The following CTPS1 variants were observed in gnomAD, a reference collection of about 807,000 sequenced individuals.
CTPS1 encodes the protein CTP synthase 1.
In CTPS1, 25 loss-of-function variants were observed where a neutral mutation model predicts 80.5. The observed-to-expected ratio is 0.31, with a 90% CI of 0.23 to 0.43. The LOEUF (loss-of-function observed/expected upper bound fraction) is 0.43, where lower values mean the gene tolerates loss of function less well. CTPS1 is among the 20% of genes least tolerant of loss of function. CTPS1 has a pLI of 1.00. For missense variants in CTPS1, 442 were observed against 725.7 expected (o/e 0.61, Z 4.49); for synonymous variants, 267 against 252.5 (o/e 1.06, Z -0.54).
intron 7 of CTPS1, among the ~76,000 whole-genome samples, chr1:40,993,119 C>T (rs534048147): frequency 1.2e-3 from 176 of 152,074 alleles, no homozygotes; most frequent in African/African-American, 3.9e-3. Context: ...GGAGCAATCT[C>T]AGCTCAGTGG....
At chr1:40,986,134 A>G (rs951259298) in intron 3 of CTPS1, among the ~76,000 whole-genome samples, 1 of 152,232 alleles carries the variant, frequency 6.6e-6, no homozygotes, top group South Asian at 2.1e-4. Flanking sequence ...GGGGGAGGCA[A>G]ACAACAAACA....
chr1:41,006,895 C>T (rs181302262), intron 13 of CTPS1, among the ~76,000 whole-genome samples: 1 of 152,250 alleles, frequency 6.6e-6, no homozygotes, highest in East Asian at 1.9e-4. Flanking sequence ...CAGGAGTGGA[C>T]CAGCAAATGT....
rs550001215 is a variant in CTPS1 at position 40,991,949 on chromosome 1, T to C, written c.720+104T>C. The C allele has an allele frequency of 3.4e-6, 3 of 880,654 alleles. No individual in the cohort carries two copies. The South Asian group carries it at 4.4e-5, about 13-fold the overall frequency. 54.6% of individuals were successfully genotyped at this position (880,654 alleles called of 1,614,324 possible). A position where few individuals can be genotyped will look rare whatever the true frequency, so the allele number is the denominator to read the frequency against. On this transcript the variant is annotated intron_variant, in intron 7 of 18. Coordinates refer to ENST00000650070, the MANE Select transcript of CTPS1 (RefSeq NM_001905.4). ...CTTGTTATTTTCTAATTAGAGATAG[T>C]GGGCTGTTCCAGAAGAACCCATTGC...
At chr1:40,994,571 G>A (rs1300061633) in intron 7 of CTPS1, among the ~76,000 whole-genome samples, 1 of 152,116 alleles carries the variant, frequency 6.6e-6, no homozygotes, top group Non-Finnish European at 1.5e-5. Flanking sequence ...AATTCTATTA[G>A]TACTGATTGT....
chr1:40,997,277 TG>T, intron 8 of CTPS1, 116 bp from the exon 9 acceptor site: 1 of 1,235,694 alleles, frequency 8.1e-7, no homozygotes, highest in Non-Finnish European at 1.1e-6. Flanking sequence ...TATAGGATTA[TG>T]GGCGTGAGCT....
At position 41,008,853 on chromosome 1, in the gene CTPS1, T is replaced by A; in HGVS notation, c.1509T>A (p.Asp503Glu). Residue 503 changes from aspartate to glutamate, a missense_variant, in exon 16 of 19, where the codon GAT becomes GAA. Coordinates refer to ENST00000650070, the MANE Select transcript of CTPS1 (RefSeq NM_001905.4). ...AAGGCTTGAAGTTTGTTGGCCAAGATGTTGAAGGAGAGAGAATGGAAATTG... is the reference window on the plus strand; with the variant it reads ...AAGGCTTGAAGTTTGTTGGCCAAGAAGTTGAAGGAGAGAGAATGGAAATTG... ...EEQGLKFVGQ[D>E]VEGERMEIVE... is the part of the protein sequence containing the mutation. The A allele has an allele frequency of 6.2e-7, 1 of 1,614,188 alleles. No individual in the cohort carries two copies. The highest frequency in any genetic ancestry group is 8.5e-7 in the Non-Finnish European group (1 of 1,180,020).
chr1:40,998,178 C>G (rs780044711), intron 9 of CTPS1, among the ~76,000 whole-genome samples: 1 of 152,072 alleles, frequency 6.6e-6, no homozygotes, highest in African/African-American at 2.4e-5. Context: ...GTGGGCAGAT[C>G]ACGAGGTCAG....
chr1:41,005,860 C>T (rs1222764971), intron 12 of CTPS1, among the ~76,000 whole-genome samples, 191 bp from the exon 13 acceptor site: 3 of 152,120 alleles, frequency 2.0e-5, no homozygotes, highest in African/African-American at 7.2e-5. Flanking sequence ...GCTATGATCG[C>T]ACCACTGCAC....
chr1:40,980,259 C>G (rs2148380593), intron 1 of CTPS1: 1 of 152,112 alleles, frequency 6.6e-6, no homozygotes, highest in Admixed American at 6.6e-5. Flanking sequence ...AGTCGCCCAT[C>G]CATTCAAGCA....
At chr1:41,002,019 C>G in intron 10 of CTPS1, 141 bp from the exon 11 acceptor site, 1 of 740,960 alleles carries the variant, frequency 1.3e-6, no homozygotes, top group Non-Finnish European at 2.4e-6. Context: ...ATAGTGTTTA[C>G]ATACAATTCA....
chr1:41,010,138 C>T (rs747479005), intron 17 of CTPS1, 23 bp from the exon 18 acceptor site: 13 of 1,580,816 alleles, frequency 8.2e-6, no homozygotes, highest in East Asian at 4.5e-5. Flanking sequence ...GGAGATGATG[C>T]GTAAACCATC....
chr1:40,991,132 C>T (rs1642598434), intron 5 of CTPS1, 33 bp from the exon 6 acceptor site: 3 of 1,433,280 alleles, frequency 2.1e-6, no homozygotes, highest in Non-Finnish European at 2.9e-6. Context: ...CAGAGGGAAA[C>T]TAACTTTTTT....
intron 18 of CTPS1, 38 bp downstream of exon 18, chr1:41,010,292 G>A: frequency 7.1e-7 from 1 of 1,416,154 alleles, no homozygotes. Flanking sequence ...TTAAAAACAT[G>A]GTGATAACAC....
chr1:41,008,463 C>T (rs1470304517), intron 14 of CTPS1, among the ~76,000 whole-genome samples, 196 bp from the exon 15 acceptor site: 1 of 152,120 alleles, frequency 6.6e-6, no homozygotes, highest in Non-Finnish European at 1.5e-5. Flanking sequence ...GTAGTGTTGT[C>T]AGAAAGAGTC....
chr1:41,001,526 G>A, intron 10 of CTPS1: 1 of 191,920 alleles, frequency 5.2e-6, no homozygotes, highest in Non-Finnish European at 1.1e-5. Flanking sequence ...GTCTTGGTCA[G>A]TACGGCACAC....
intron 9 of CTPS1, among the ~76,000 whole-genome samples, chr1:40,999,660 G>A (rs1011560655): frequency 2.6e-5 from 4 of 152,298 alleles, no homozygotes; most frequent in Middle Eastern, 3.4e-3. Context: ...AGGTAGAGAC[G>A]TGTGATCCAA....
At chr1:41,000,444 G>A (rs1401517628) in intron 9 of CTPS1, among the ~76,000 whole-genome samples, 1 of 151,104 alleles carries the variant, frequency 6.6e-6, no homozygotes, top group Non-Finnish European at 1.5e-5. Flanking sequence ...GTAGAGATGG[G>A]GTTTCACCAT....
At chr1:40,995,638 A>G (rs1009863911) in intron 7 of CTPS1, among the ~76,000 whole-genome samples, 3 of 152,066 alleles carry the variant, frequency 2.0e-5, no homozygotes, top group Non-Finnish European at 4.4e-5. Context: ...AGCTCGAGCA[A>G]TCCTCCTGCC....
chr1:40,991,632 A>G, intron 6 of CTPS1, 133 bp from the exon 7 acceptor site: 1 of 621,330 alleles, frequency 1.6e-6, no homozygotes, highest in East Asian at 2.8e-5. Context: ...TTTATGGATT[A>G]TGTGCCTGGT....
Sources: allele counts gnomAD v4.1 joint callset (sites outside exome capture counted in the v4.1 genomes callset), GRCh38; gene constraint gnomAD v4.1.1; transcripts MANE v1.5; gene names NCBI Gene and HGNC (gene_info 2026-07-23, HGNC 2026-07-21).